Variants in ADAM28 observed in about 807,000 individuals in gnomAD.
ADAM28 encodes ADAM metallopeptidase domain 28, also known as disintegrin and metalloproteinase domain-containing protein 28.
In ADAM28, 105 loss-of-function variants were observed where a neutral mutation model predicts 101.2. The ratio of observed to expected loss-of-function variants is 1.04; its 90% CI spans 0.89 to 1.22. The LOEUF (loss-of-function observed/expected upper bound fraction) is 1.22, where lower values mean the gene tolerates loss of function less well. Ranked by LOEUF, ADAM28 falls within the 50% of genes most tolerant of loss-of-function variation. ADAM28 has a pLI of 0.00. For synonymous variants in ADAM28, 322 were observed against 310.6 expected, an observed-to-expected ratio of 1.04 and a Z score of -0.39; for missense variants, 1,028 against 945.4, an observed-to-expected ratio of 1.09 and a Z score of -1.15.
chr8:24,299,944 G>C (rs1808486316), intron 1 of ADAM28, 30 bp from the exon 2 acceptor site: 5 of 1,570,944 alleles, frequency 3.2e-6, no homozygotes, highest in Non-Finnish European at 4.3e-6. Flanking sequence ...GTTCTACCTG[G>C]ATAAGTCTTT....
At chr8:24,301,077 G>A (rs1288899714) in intron 2 of ADAM28, 1 of 152,146 alleles carries the variant, frequency 6.6e-6, no homozygotes, top group African/African-American at 2.4e-5. Context: ...GAGCCAGCAA[G>A]ATACAGATAA....
At chr8:24,323,757 T>C (rs1173547238) in intron 8 of ADAM28, 77 bp from the exon 9 acceptor site, 2 of 1,406,306 alleles carry the variant, frequency 1.4e-6, no homozygotes, top group African/African-American at 2.9e-5. Flanking sequence ...TGTTTAAAAA[T>C]ACAAAATATA....
chr8:24,294,248 A>G, intron 1 of ADAM28, 53 bp downstream of exon 1: 1 of 1,566,168 alleles, frequency 6.4e-7, no homozygotes, highest in South Asian at 1.1e-5. Context: ...CGAACTTTTC[A>G]TAGTCTCCTA....
intron 18 of ADAM28, among the ~76,000 whole-genome samples, chr8:24,346,172 T>A (rs575071369): frequency 6.6e-6 from 1 of 152,248 alleles, no homozygotes; most frequent in African/African-American, 2.4e-5. Context: ...TTATTTTCAT[T>A]AAATTCTAAA....
intron 13 of ADAM28, 109 bp downstream of exon 13, chr8:24,332,858 A>C: frequency 3.6e-6 from 2 of 559,372 alleles, no homozygotes; most frequent in Non-Finnish European, 5.6e-6. Flanking sequence ...CTTTATATAA[A>C]ATGATATATT....
intron 1 of ADAM28, 29 bp downstream of exon 1, chr8:24,294,224 A>AT (rs1231615307): frequency 1.2e-6 from 2 of 1,611,678 alleles, no homozygotes; most frequent in South Asian, 2.2e-5. Context: ...TTCAGGTTCT[A>AT]TTGAATGCAT....
intron 2 of ADAM28, among the ~76,000 whole-genome samples, chr8:24,309,077 A>T (rs1810083354): frequency 6.6e-6 from 1 of 152,232 alleles, no homozygotes; most frequent in African/African-American, 2.4e-5. Context: ...TTTATAGACC[A>T]AAGTCAGAAC....
At position 24,335,531 on chromosome 8, in the gene ADAM28, CTGA is replaced by C; in HGVS notation, c.1462_1464del (p.Asp488del). On this transcript the variant is annotated inframe_deletion, in exon 14 of 23. Transcript: ENST00000265769. ...TGTAATGGTAAATCTGGTAATTGTC[CTGA>C]TGATAGATTCCAAGTCAATGGCTTC... is the stretch of plus-strand genomic sequence containing the variant. 1 of 1,614,102 alleles carries C rather than the reference CTGA, an allele frequency of 6.2e-7. No individual in the cohort carries two copies. Among genetic ancestry groups the C allele is most frequent in the Non-Finnish European group, 8.5e-7 (1 of 1,179,998 alleles).
intron 15 of ADAM28, chr8:24,340,913 A>C (rs1028427878): frequency 1.3e-5 from 2 of 152,160 alleles, no homozygotes; most frequent in African/African-American, 4.8e-5. Context: ...GTTGGCAGTA[A>C]ATGAATGGCT....
At chr8:24,313,758 A>ATTTTT (rs11458720) in intron 6 of ADAM28, among the ~76,000 whole-genome samples, 178 bp downstream of exon 6, 105 of 139,266 alleles carry the variant, frequency 7.5e-4, no homozygotes, top group African/African-American at 2.4e-3. Flanking sequence ...GGAATCAACT[A>ATTTTT]TTTTTTTTTT....
At chr8:24,328,731 C>T (rs1812953318) in intron 10 of ADAM28, among the ~76,000 whole-genome samples, 2 of 151,992 alleles carry the variant, frequency 1.3e-5, no homozygotes, top group African/African-American at 4.8e-5. Flanking sequence ...AGTTCAAGAC[C>T]AGCCTGGCCA....
At chr8:24,328,821 T>C (rs1401446770) in intron 10 of ADAM28, among the ~76,000 whole-genome samples, 1 of 151,746 alleles carries the variant, frequency 6.6e-6, no homozygotes, top group African/African-American at 2.4e-5. Flanking sequence ...TTCTAGCTAC[T>C]GAGGCAAGAG....
chr8:24,335,094 T>C (rs1002187686), intron 13 of ADAM28, among the ~76,000 whole-genome samples: 1 of 152,132 alleles, frequency 6.6e-6, no homozygotes, highest in Non-Finnish European at 1.5e-5. Context: ...TTAAATCTCC[T>C]TGGAGTTCCT....
intron 12 of ADAM28, 88 bp from the exon 13 acceptor site, chr8:24,332,572 T>C: frequency 1.6e-6 from 1 of 621,910 alleles, no homozygotes; most frequent in South Asian, 5.1e-5. Context: ...AAGTAACATA[T>C]GCCTGATGAA....
chr8:24,332,065 A>T (rs1174616486), intron 12 of ADAM28, among the ~76,000 whole-genome samples: 1 of 152,182 alleles, frequency 6.6e-6, no homozygotes, highest in Admixed American at 6.5e-5. Context: ...TAGAGTTTTA[A>T]CCCTAAAATA....
At chr8:24,315,152 A>AAAC (rs1416342733) in intron 6 of ADAM28, among the ~76,000 whole-genome samples, 4 of 151,996 alleles carry the variant, frequency 2.6e-5, no homozygotes. Context: ...ATGGCTGAAA[A>AAAC]AACAAGATCT....
chr8:24,302,086 C>G (rs1048827134), intron 2 of ADAM28, among the ~76,000 whole-genome samples: 4 of 152,130 alleles, frequency 2.6e-5, no homozygotes, highest in African/African-American at 7.2e-5. Context: ...TCCTGATGTT[C>G]TCCCTTGCCC....
chr8:24,304,032 T>TAC (rs200631848), intron 2 of ADAM28, among the ~76,000 whole-genome samples: 58 of 151,412 alleles, frequency 3.8e-4, no homozygotes, highest in African/African-American at 8.7e-4. Flanking sequence ...ACCCAACATT[T>TAC]ACACACACAC....
intron 10 of ADAM28, among the ~76,000 whole-genome samples, chr8:24,329,034 A>G (rs1457364616): frequency 6.6e-6 from 1 of 152,076 alleles, no homozygotes; most frequent in Non-Finnish European, 1.5e-5. Flanking sequence ...TATTTAAAGA[A>G]AGAAACCATA....
Sources: gnomAD v4.1 joint callset for allele counts (sites outside exome capture counted in the v4.1 genomes callset) on GRCh38, gnomAD v4.1.1 for gene constraint, MANE v1.5 for transcripts, NCBI Gene and HGNC (gene_info 2026-07-23, HGNC 2026-07-21) for gene names.